Variants in PRH1 observed in about 807,000 individuals in gnomAD.
PRH1 encodes the protein salivary acidic proline-rich phosphoprotein 1/2.
Under a neutral mutation model 7.9 loss-of-function variants are expected in PRH1, and 7 were observed. The observed-to-expected ratio is 0.89, with a 90% confidence interval of 0.50 to 1.67. The LOEUF (loss-of-function observed/expected upper bound fraction) is 1.67. Ranked by LOEUF, PRH1 falls within the 40% of genes most tolerant of loss-of-function variation. PRH1 has a pLI of 0.00. For synonymous variants in PRH1, 45 were observed against 80.8 expected, an observed-to-expected ratio of 0.56 and a Z score of 2.38; for missense variants, 109 against 223.6, an observed-to-expected ratio of 0.49 and a Z score of 3.27.
At chr12:10,999,884 T>C (rs763238013) in intron 1 of PRH1, among the ~76,000 whole-genome samples, 1 of 152,156 alleles carries the variant, frequency 6.6e-6, no homozygotes, top group Non-Finnish European at 1.5e-5. Context: ...AGTTACATAG[T>C]TGCATGTACA....
intron 2 of PRH1, among the ~76,000 whole-genome samples, chr12:10,918,323 T>C (rs895756132): frequency 3.3e-5 from 5 of 152,080 alleles, no homozygotes; most frequent in Admixed American, 2.6e-4. Flanking sequence ...ATGGCACACA[T>C]TAACCTATGT....
downstream of PRH1, among the ~76,000 whole-genome samples, chr12:11,116,772 C>T (rs1414474629): frequency 2.0e-5 from 3 of 152,004 alleles, no homozygotes. Context: ...GTTCAACATA[C>T]ACAAATCAAT....
intron 1 of PRH1, among the ~76,000 whole-genome samples, chr12:11,084,330 A>G (rs1944609405): frequency 6.6e-6 from 1 of 151,240 alleles, no homozygotes; most frequent in African/African-American, 2.4e-5. Context: ...TGATTGCTGT[A>G]TAGTATACTA....
chr12:11,016,766 G>T (rs1273777581), intron 1 of PRH1, among the ~76,000 whole-genome samples: 1 of 152,170 alleles, frequency 6.6e-6, no homozygotes, highest in East Asian at 1.9e-4. Flanking sequence ...ATGGCAGCTG[G>T]CAGGACTCTC....
intron 1 of PRH1, among the ~76,000 whole-genome samples, chr12:11,168,259 A>G (rs796594885): frequency 0.074 from 2,960 of 39,948 alleles, 977 homozygotes; most frequent in East Asian, 0.12. Flanking sequence ...AAAGAAAGAA[A>G]GAAAGAAAGA....
In PRH1 at chr12:11,092,813, G is replaced by A. The variant is rs1337685359; in HGVS notation, n.124-45625C>T. Among the ~76,000 whole-genome samples, 3 of 115,246 alleles carry A rather than the reference G, an allele frequency of 2.6e-5. 1 individual carries two copies. The highest frequency in any genetic ancestry group is 6.1e-5 in the Non-Finnish European group (3 of 48,812). 75.6% of individuals were successfully genotyped at this position (115,246 alleles called of 152,430 possible). A position where few individuals can be genotyped will look rare whatever the true frequency, so the allele number is the denominator to read the frequency against. ...AATATCCTGACCTTAAATTCTATAT[G>A]CACCTGATTTGTGAATGTGCTGTGA... is the stretch of plus-strand genomic sequence containing the variant. On this transcript the variant is annotated intron_variant and non_coding_transcript_variant, in intron 1 of 4. Coordinates refer to the PRH1 transcript ENST00000541977.
chr12:11,118,332 T>C (rs190812503), downstream of PRH1, among the ~76,000 whole-genome samples: 435 of 152,294 alleles, frequency 2.9e-3, 8 homozygotes, highest in East Asian at 1.2e-3. Context: ...CTCAACATCA[T>C]TGATCATCAG....
intron 1 of PRH1, chr12:11,030,411 G>A (rs757761121): frequency 6.2e-7 from 1 of 1,613,514 alleles, no homozygotes; most frequent in South Asian, 1.1e-5. Flanking sequence ...TGAATCTATG[G>A]AGATGAAGGC....
At chr12:10,918,316 G>T (rs1180092033) in intron 2 of PRH1, among the ~76,000 whole-genome samples, 2 of 151,912 alleles carry the variant, frequency 1.3e-5, no homozygotes, top group South Asian at 4.2e-4. Flanking sequence ...AACCACCATG[G>T]CACACATTAA....
intron 1 of PRH1, among the ~76,000 whole-genome samples, chr12:11,091,111 C>CATATATAT (rs1431153843): frequency 1.6e-4 from 1 of 6,100 alleles, no homozygotes; most frequent in African/African-American, 2.4e-4. Flanking sequence ...CACACACACA[C>CATATATAT]ACACATATAT....
chr12:11,035,244 T>G (rs1460501791), intron 1 of PRH1, among the ~76,000 whole-genome samples: 1 of 150,166 alleles, frequency 6.7e-6, no homozygotes, highest in African/African-American at 2.4e-5. Flanking sequence ...ACATTGCTTC[T>G]GCCCCATTTG....
chr12:11,099,168 A>T (rs1945153505), intron 1 of PRH1, among the ~76,000 whole-genome samples: 1 of 152,174 alleles, frequency 6.6e-6, no homozygotes, highest in Non-Finnish European at 1.5e-5. Flanking sequence ...TTGGAGTTCA[A>T]TCATTTAACT....
At chr12:10,968,849 G>C (rs569263741) in intron 2 of PRH1, among the ~76,000 whole-genome samples, 1 of 152,232 alleles carries the variant, frequency 6.6e-6, no homozygotes, top group African/African-American at 2.4e-5. Flanking sequence ...AAACCTCGAG[G>C]GGGAGGGTGT....
chr12:11,063,798 A>G (rs2136187563), intron 1 of PRH1, among the ~76,000 whole-genome samples: 2 of 152,192 alleles, frequency 1.3e-5, no homozygotes, highest in Middle Eastern at 6.8e-3. Context: ...CTGGGGTTGG[A>G]GGATAACATC....
At chr12:11,020,955 A>C (rs1363657789) in intron 1 of PRH1, among the ~76,000 whole-genome samples, 2 of 152,196 alleles carry the variant, frequency 1.3e-5, no homozygotes, top group Non-Finnish European at 2.9e-5. Context: ...TAAAAAAATT[A>C]TAACAGCACT....
chr12:10,985,890 G>C (rs1033266119), intron 1 of PRH1: 13 of 1,438,764 alleles, frequency 9.0e-6, no homozygotes, highest in Non-Finnish European at 1.2e-5. Context: ...CTATCAGTTT[G>C]TTTTCTCCTA....
At chr12:11,107,208 C>T (rs1044714532) in intron 1 of PRH1, among the ~76,000 whole-genome samples, 1 of 152,068 alleles carries the variant, frequency 6.6e-6, no homozygotes, top group South Asian at 2.1e-4. Context: ...CCCTATGTTG[C>T]CCAGTCTGGT....
At chr12:10,995,351 G>T (rs1015712145) in intron 1 of PRH1, among the ~76,000 whole-genome samples, 1 of 152,086 alleles carries the variant, frequency 6.6e-6, no homozygotes, top group African/African-American at 2.4e-5. Flanking sequence ...CAAATCAGAT[G>T]TGGAGATGAT....
intron 2 of PRH1, among the ~76,000 whole-genome samples, chr12:10,894,550 T>C (rs1159240881): frequency 1.3e-5 from 2 of 152,284 alleles, no homozygotes; most frequent in African/African-American, 4.8e-5. Context: ...AATCCCTATG[T>C]GTTTGTACAT....
Sources: gnomAD v4.1 joint callset for allele counts (sites outside exome capture counted in the v4.1 genomes callset) on GRCh38, gnomAD v4.1.1 for gene constraint, MANE v1.5 for transcripts, NCBI Gene and HGNC (gene_info 2026-07-23, HGNC 2026-07-21) for gene names.